PREX2: variants seen among roughly 807,000 people sequenced by gnomAD.
PREX2 encodes the protein phosphatidylinositol-3,4,5-trisphosphate dependent Rac exchange factor 2.
In PREX2, 107 loss-of-function variants were observed where a neutral mutation model predicts 203.2. The ratio of observed to expected loss-of-function variants is 0.53; its 90% CI spans 0.45 to 0.62. The LOEUF (loss-of-function observed/expected upper bound fraction) is 0.62. Ranked by LOEUF, PREX2 falls within the 20% of genes least tolerant of loss-of-function variation. The pLI is 0.00. For synonymous variants in PREX2, 672 were observed against 663.6 expected (o/e 1.01, Z -0.19); for missense variants, 1,777 against 1,955.9 (o/e 0.91, Z 1.72).
chr8:68,141,133 A>G (rs891421624), intron 33 of PREX2, among the ~76,000 whole-genome samples: 8 of 152,186 alleles, frequency 5.3e-5, no homozygotes, highest in South Asian at 2.1e-4. Context: ...GTAATAAGGG[A>G]AATACGAGGT....
intron 25 of PREX2, among the ~76,000 whole-genome samples, chr8:68,110,014 C>T (rs1472335316): frequency 6.6e-6 from 1 of 152,086 alleles, no homozygotes; most frequent in African/African-American, 2.4e-5. Context: ...TTATAAAAGA[C>T]ATAAAGTATA....
chr8:67,994,592 G>A (rs534098185), intron 1 of PREX2, among the ~76,000 whole-genome samples: 72 of 152,320 alleles, frequency 4.7e-4, no homozygotes, highest in African/African-American at 1.6e-3. Context: ...TAAAAGAACA[G>A]TGGAGAAAAG....
At chr8:68,082,184 G>A (rs913388053) in intron 17 of PREX2, 1 of 152,152 alleles carries the variant, frequency 6.6e-6, no homozygotes, top group Non-Finnish European at 1.5e-5. Context: ...TGTAGCCCAG[G>A]TATATCTAGT....
At chr8:68,044,424 T>C (rs1808283317) in intron 7 of PREX2, 63 bp from the exon 8 acceptor site, 3 of 1,168,242 alleles carry the variant, frequency 2.6e-6, no homozygotes, top group Non-Finnish European at 3.8e-6. Context: ...CTAAAATATA[T>C]TGTTTTGACA....
chr8:68,081,807 G>C (rs577468323), intron 17 of PREX2, among the ~76,000 whole-genome samples: 1 of 151,450 alleles, frequency 6.6e-6, no homozygotes, highest in African/African-American at 2.4e-5. Flanking sequence ...TGATTCTCCT[G>C]CCTCAGCCTC....
chr8:68,081,777 C>A (rs1445046789), intron 17 of PREX2, among the ~76,000 whole-genome samples: 1 of 152,122 alleles, frequency 6.6e-6, no homozygotes, highest in Non-Finnish European at 1.5e-5. Flanking sequence ...TCACTGCAAC[C>A]TCTGCCTTCT....
intron 23 of PREX2, among the ~76,000 whole-genome samples, chr8:68,101,921 C>T (rs1810275921): frequency 1.3e-5 from 2 of 152,102 alleles, no homozygotes; most frequent in South Asian, 4.1e-4. Flanking sequence ...TATTAGGTAG[C>T]AAATTGATGC....
At chr8:68,160,278 C>A (rs1415612055) in intron 35 of PREX2, among the ~76,000 whole-genome samples, 1 of 152,076 alleles carries the variant, frequency 6.6e-6, no homozygotes, top group Non-Finnish European at 1.5e-5. Flanking sequence ...TTGTAGAGAT[C>A]TTTTAGAAGA....
intron 37 of PREX2, among the ~76,000 whole-genome samples, chr8:68,197,744 G>T (rs1204485894): frequency 6.8e-6 from 1 of 146,502 alleles, no homozygotes; most frequent in Non-Finnish European, 1.5e-5. Flanking sequence ...TAATATATAT[G>T]CTATATATAT....
At chr8:67,960,058 A>G (rs74776813) in intron 1 of PREX2, among the ~76,000 whole-genome samples, 1 of 151,648 alleles carries the variant, frequency 6.6e-6, no homozygotes, top group Non-Finnish European at 1.5e-5. Context: ...TTAATTAATT[A>G]ATTTATTGAT....
chr8:68,185,608 A>T (rs1387514917), intron 35 of PREX2, among the ~76,000 whole-genome samples: 1 of 152,196 alleles, frequency 6.6e-6, no homozygotes, highest in African/African-American at 2.4e-5. Flanking sequence ...GATGGTATGC[A>T]ATAAATGCCA....
intron 1 of PREX2, among the ~76,000 whole-genome samples, chr8:67,984,044 A>G (rs879697860): frequency 1.3e-5 from 2 of 151,940 alleles, no homozygotes; most frequent in East Asian, 3.9e-4. Context: ...TATTCTCCCT[A>G]TGTTGAGTGT....
chr8:68,060,453 T>C (rs1808813824), intron 10 of PREX2, among the ~76,000 whole-genome samples: 1 of 152,240 alleles, frequency 6.6e-6, no homozygotes, highest in Admixed American at 6.5e-5. Flanking sequence ...AAACTAAGTA[T>C]AGTTTAGTAA....
In PREX2 at chr8:68,069,016, T is replaced by TA. The variant is rs1456720660; in HGVS notation, c.1340-16dup. ...TTAGAGTATCGTTATTTTAATATAG[T>TA]ATTTCTATGTTCTTAGTTACTGATA... On this transcript the variant is annotated splice_polypyrimidine_tract_variant and intron_variant, in intron 11 of 39. Transcript: ENST00000288368. 1 of 1,053,666 alleles carries TA rather than the reference T, an allele frequency of 9.5e-7. No homozygotes were observed. The highest frequency in any genetic ancestry group is 1.7e-5 in the African/African-American group (1 of 59,544). The allele number at this position is 1,053,666 out of a possible 1,614,324, so 65.3% of individuals were successfully genotyped here.
At chr8:67,991,553 C>T (rs147671183) in intron 1 of PREX2, among the ~76,000 whole-genome samples, 5 of 152,094 alleles carry the variant, frequency 3.3e-5, no homozygotes, top group East Asian at 1.9e-4. Flanking sequence ...TGGGAAGAGC[C>T]GCGTATAAAA....
chr8:68,191,669 T>A, intron 35 of PREX2, 53 bp from the exon 36 acceptor site: 1 of 1,254,986 alleles, frequency 8.0e-7, no homozygotes, highest in South Asian at 1.2e-5. Context: ...TCTTCATGCA[T>A]ATTATGTCTT....
intron 34 of PREX2, among the ~76,000 whole-genome samples, chr8:68,150,578 G>T (rs1811413654): frequency 6.6e-6 from 1 of 152,136 alleles, no homozygotes; most frequent in South Asian, 2.1e-4. Flanking sequence ...GGTGCCAAAC[G>T]TATTCCTTCT....
At chr8:67,982,063 C>T (rs992966501) in intron 1 of PREX2, among the ~76,000 whole-genome samples, 4 of 152,094 alleles carry the variant, frequency 2.6e-5, no homozygotes, top group Non-Finnish European at 4.4e-5. Flanking sequence ...AACTTGAGTC[C>T]AGCTGCAACA....
At chr8:68,068,098 A>G (rs745651523) in intron 11 of PREX2, among the ~76,000 whole-genome samples, 3 of 152,056 alleles carry the variant, frequency 2.0e-5, no homozygotes, top group Non-Finnish European at 4.4e-5. Flanking sequence ...TTATTGTGAT[A>G]TTGAACTTGA....
Sources: gnomAD v4.1 joint callset for allele counts (sites outside exome capture counted in the v4.1 genomes callset) on GRCh38, gnomAD v4.1.1 for gene constraint, MANE v1.5 for transcripts, NCBI Gene and HGNC (gene_info 2026-07-23, HGNC 2026-07-21) for gene names.